Variants in RARB observed in about 807,000 individuals in gnomAD.
RARB encodes the protein retinoic acid receptor beta.
Under a neutral mutation model 51.9 loss-of-function variants are expected in RARB, and 17 were observed. That is an observed-to-expected ratio of 0.33 (90% CI 0.22 to 0.49). The LOEUF (loss-of-function observed/expected upper bound fraction) is 0.49. Ranked by LOEUF, RARB falls within the 20% of genes least tolerant of loss-of-function variation. The pLI is 0.99. For synonymous variants in RARB, 215 were observed against 195.4 expected, an observed-to-expected ratio of 1.10 and a Z score of -0.84; for missense variants, 369 against 550.8, an observed-to-expected ratio of 0.67 and a Z score of 3.30.
At chr3:25,483,760 G>A (rs1028517941) in intron 2 of RARB, among the ~76,000 whole-genome samples, 69 of 152,118 alleles carry the variant, frequency 4.5e-4, no homozygotes, top group African/African-American at 1.6e-3. Context: ...CATTCTCCAT[G>A]TTAGTTAATG....
At chr3:25,267,356 T>C (rs1703150945) in intron 5 of RARB, among the ~76,000 whole-genome samples, 1 of 152,194 alleles carries the variant, frequency 6.6e-6, no homozygotes, top group Admixed American at 6.5e-5. Flanking sequence ...AGGCCTCTCT[T>C]AGAGGCCAAA....
chr3:24,984,265 A>T (rs73143050), intron 2 of RARB, among the ~76,000 whole-genome samples: 3,312 of 152,334 alleles, frequency 0.022, 100 homozygotes, highest in African/African-American at 0.075. Context: ...AGCAATAGCA[A>T]CATGGAAATG....
chr3:25,166,122 C>A (rs927517963), intron 4 of RARB, among the ~76,000 whole-genome samples: 4 of 152,074 alleles, frequency 2.6e-5, no homozygotes, highest in African/African-American at 9.7e-5. Flanking sequence ...TCTTCCATCT[C>A]CTTTATTCCC....
chr3:25,181,918 T>G (rs926319307), intron 5 of RARB, among the ~76,000 whole-genome samples: 1 of 152,212 alleles, frequency 6.6e-6, no homozygotes, highest in East Asian at 1.9e-4. Flanking sequence ...AACTAAAACA[T>G]TCACTCTAAT....
intron 4 of RARB, among the ~76,000 whole-genome samples, chr3:25,152,163 C>T (rs996054174): frequency 4.6e-5 from 7 of 152,284 alleles, no homozygotes; most frequent in African/African-American, 7.2e-5. Flanking sequence ...TCATATCTCC[C>T]GTTGAAGTTT....
At chr3:25,562,237 T>G (rs982013577) in intron 3 of RARB, among the ~76,000 whole-genome samples, 1 of 87,526 alleles carries the variant, frequency 1.1e-5, no homozygotes, top group Non-Finnish European at 2.7e-5. Flanking sequence ...TACTAAGCCT[T>G]TTTTTTTTTT....
intron 5 of RARB, among the ~76,000 whole-genome samples, chr3:25,392,745 CA>C (rs1382132048): frequency 6.6e-6 from 1 of 151,864 alleles, no homozygotes; most frequent in African/African-American, 2.4e-5. Context: ...TTTTGTATCC[CA>C]AAACTTTACA....
intron 2 of RARB, among the ~76,000 whole-genome samples, chr3:24,883,100 C>A (rs1703200425): frequency 6.6e-6 from 1 of 152,076 alleles, no homozygotes; most frequent in Non-Finnish European, 1.5e-5. Context: ...ACTAAGTTAA[C>A]CAACCCTGGG....
In RARB at chr3:25,243,978, C is replaced by T. The variant is rs188785334; in HGVS notation, c.178+69403C>T. Among the ~76,000 whole-genome samples, 3 of 152,280 alleles carry T rather than the reference C, an allele frequency of 2.0e-5. No individual in the cohort carries two copies. The East Asian group carries it at 5.8e-4, about 29-fold the overall frequency. ...ATTGATAGGCTATTAATTACTGCCT[C>T]AATTTCAGAACTTGTTATTAGTCTG... On this transcript the variant is annotated intron_variant, in intron 5 of 11. Transcript: ENST00000383772.
intron 5 of RARB, among the ~76,000 whole-genome samples, chr3:25,336,608 G>GA (rs1705070449): frequency 6.6e-6 from 1 of 152,084 alleles, no homozygotes; most frequent in Non-Finnish European, 1.5e-5. Context: ...GATAAGGAGG[G>GA]ATGTTCCTTC....
intron 5 of RARB, among the ~76,000 whole-genome samples, chr3:25,581,998 C>T (rs1049969884): frequency 5.9e-5 from 9 of 151,950 alleles, no homozygotes; most frequent in African/African-American, 1.7e-4. Flanking sequence ...GGTGCAAGAT[C>T]GGGGTGGAGT....
chr3:25,071,771 C>A (rs569916632), intron 3 of RARB, among the ~76,000 whole-genome samples: 2 of 152,240 alleles, frequency 1.3e-5, no homozygotes, highest in Non-Finnish European at 2.9e-5. Flanking sequence ...TTAAATTGAC[C>A]TTTCAGCCCA....
intron 3 of RARB, among the ~76,000 whole-genome samples, chr3:25,503,421 T>G (rs1447182180): frequency 1.3e-5 from 2 of 152,188 alleles, no homozygotes; most frequent in East Asian, 3.8e-4. Flanking sequence ...TCAGTACTTT[T>G]GCATTATTTT....
At chr3:24,948,235 A>T (rs1695815466) in intron 2 of RARB, among the ~76,000 whole-genome samples, 1 of 133,676 alleles carries the variant, frequency 7.5e-6, no homozygotes, top group South Asian at 2.3e-4. Flanking sequence ...TAGGTAGCAC[A>T]TCCCCCCTGC....
intron 5 of RARB, among the ~76,000 whole-genome samples, chr3:25,587,278 A>T (rs6765189): frequency 2.6e-5 from 4 of 152,154 alleles, no homozygotes; most frequent in Admixed American, 2.6e-4. Flanking sequence ...CTGCTAGGCA[A>T]TAGCACCTGG....
chr3:25,003,637 C>CA (rs1261276034), intron 2 of RARB, among the ~76,000 whole-genome samples: 2 of 152,052 alleles, frequency 1.3e-5, no homozygotes, highest in African/African-American at 2.4e-5. Flanking sequence ...AATAAAAAGA[C>CA]AAAGATCTTG....
intron 3 of RARB, among the ~76,000 whole-genome samples, chr3:25,089,642 G>T (rs1699162668): frequency 6.6e-6 from 1 of 152,124 alleles, no homozygotes; most frequent in Non-Finnish European, 1.5e-5. Context: ...CCTATTGATA[G>T]AGACTTTTAA....
chr3:25,127,976 A>G (rs1299935437), intron 3 of RARB, among the ~76,000 whole-genome samples: 1 of 152,156 alleles, frequency 6.6e-6, no homozygotes, highest in Admixed American at 6.5e-5. Context: ...AAGTTCCTCC[A>G]CTATGGCAAA....
intron 1 of RARB, among the ~76,000 whole-genome samples, chr3:25,456,975 C>T (rs935105800): frequency 6.6e-6 from 1 of 152,096 alleles, no homozygotes; most frequent in Non-Finnish European, 1.5e-5. Context: ...CTATAGTTCA[C>T]TCTGACATTA....
Sources: allele counts gnomAD v4.1 joint callset (sites outside exome capture counted in the v4.1 genomes callset), GRCh38; gene constraint gnomAD v4.1.1; transcripts MANE v1.5; gene names NCBI Gene and HGNC (gene_info 2026-07-23, HGNC 2026-07-21).